Variants in CHD1L observed in about 807,000 individuals in gnomAD.
CHD1L encodes the protein chromodomain helicase DNA binding protein 1 like.
In CHD1L, 118 loss-of-function variants were observed where a neutral mutation model predicts 115.9. The ratio of observed to expected loss-of-function variants is 1.02; its 90% CI spans 0.88 to 1.19. The LOEUF (loss-of-function observed/expected upper bound fraction) is 1.19. Among genes scored for constraint, CHD1L ranks in the 50% most tolerant of loss-of-function variants. CHD1L has a pLI of 0.00. For missense variants in CHD1L, 1,179 were observed against 1,065.3 expected, an observed-to-expected ratio of 1.11 and a Z score of -1.49; for synonymous variants, 411 against 387.1, an observed-to-expected ratio of 1.06 and a Z score of -0.72.
intron 1 of CHD1L, among the ~76,000 whole-genome samples, chr1:147,244,517 G>A (rs1186764306): frequency 6.6e-6 from 1 of 151,954 alleles, no homozygotes; most frequent in Non-Finnish European, 1.5e-5. Context: ...GAAGTAGTAC[G>A]TATTTTCAGT....
the CHD1L span, among the ~76,000 whole-genome samples, chr1:147,231,368 G>A: frequency 1.3e-5 from 2 of 152,180 alleles, no homozygotes; most frequent in East Asian, 1.9e-4. Context: ...TGTGGTCTGA[G>A]AGACAGTTTG....
rs367899265 is a variant in CHD1L, at chr1:147,269,828, G to A, written c.1085+950G>A. ...TCAAAATTATCCCTTTGGAATGACT[G>A]TCTTAGGTATGGCCTGAACTAATCT... On this transcript the variant is annotated intron_variant, in intron 10 of 22. Transcript: ENST00000369258. Among the ~76,000 whole-genome samples, 14 of 152,286 alleles carry A rather than the reference G, an allele frequency of 9.2e-5. No individual in the cohort carries two copies. The East Asian group carries it at 2.1e-3, about 23-fold the overall frequency.
intron 1 of CHD1L, among the ~76,000 whole-genome samples, chr1:147,250,322 T>C (rs1424898721): frequency 6.6e-6 from 1 of 152,160 alleles, no homozygotes; most frequent in African/African-American, 2.4e-5. Context: ...AGCCAGGCAT[T>C]TTTTTTAAAT....
intron 1 of CHD1L, among the ~76,000 whole-genome samples, chr1:147,251,700 T>A (rs1393160506): frequency 6.6e-6 from 1 of 151,982 alleles, no homozygotes; most frequent in Non-Finnish European, 1.5e-5. Context: ...CAGCTAATTT[T>A]TGTATTATTT....
the CHD1L span, chr1:147,178,250 G>C: frequency 4.3e-6 from 7 of 1,613,694 alleles, no homozygotes; most frequent in Non-Finnish European, 5.9e-6. Flanking sequence ...GGCTCTGCGG[G>C]CCTCATGCTC....
intron 12 of CHD1L, among the ~76,000 whole-genome samples, chr1:147,274,474 T>C (rs1677533481): frequency 6.6e-6 from 1 of 152,196 alleles, no homozygotes; most frequent in South Asian, 2.1e-4. Context: ...TCTTAAAAGT[T>C]AGTCCTTAAT....
the CHD1L span, among the ~76,000 whole-genome samples, chr1:147,182,780 CAT>C: frequency 1.3e-5 from 2 of 152,148 alleles, no homozygotes; most frequent in Non-Finnish European, 2.9e-5. Context: ...TCAAGGATGA[CAT>C]ATATATACCC....
At chr1:147,179,461 T>C in the CHD1L span, 8 of 1,584,346 alleles carry the variant, frequency 5.0e-6, no homozygotes, top group Admixed American at 1.7e-5. Context: ...AGTCAGAGTT[T>C]TCCTACCATA....
rs2103033062 is a variant in CHD1L, at chr1:147,293,740, T to C, written c.2506+18T>C. 1 of 1,583,280 alleles carries C rather than the reference T, an allele frequency of 6.3e-7. No individual in the cohort carries two copies. The highest frequency in any genetic ancestry group is 1.1e-5 in the South Asian group (1 of 90,342). On this transcript the variant is annotated intron_variant, in intron 21 of 22. Transcript: ENST00000369258. ...GAAGAAAGGTAAGCTCTTCCACCTGTGCTCAAGAGTAGATGAATTTGTTTC... is the reference window on the plus strand; with the variant it reads ...GAAGAAAGGTAAGCTCTTCCACCTGCGCTCAAGAGTAGATGAATTTGTTTC...
At chr1:147,186,203 A>G in the CHD1L span, 2 of 486,364 alleles carry the variant, frequency 4.1e-6, no homozygotes, top group South Asian at 8.9e-5. Flanking sequence ...AAAATTCTCA[A>G]CCAAGTTGAT....
At position 147,256,580 on chromosome 1, in the gene CHD1L, T is replaced by G; in HGVS notation, c.494+18T>G. ...CTAAAATCGTGAGTAGGTTGTACTA[T>G]TTAAGAACTTGGGTTGAATGTATTA... is the stretch of plus-strand genomic sequence containing the variant. On this transcript the variant is annotated intron_variant, in intron 5 of 22. Transcript: ENST00000369258. 1 of 1,609,284 alleles carries G rather than the reference T, an allele frequency of 6.2e-7. No homozygotes were observed. Among genetic ancestry groups the G allele is most frequent in the Non-Finnish European group, 8.5e-7 (1 of 1,176,570 alleles).
intron 1 of CHD1L, among the ~76,000 whole-genome samples, chr1:147,248,104 C>G (rs1667191597): frequency 6.6e-6 from 1 of 152,170 alleles, no homozygotes; most frequent in South Asian, 2.1e-4. Context: ...ACTATTTTGT[C>G]TACCACTTCT....
intron 8 of CHD1L, 99 bp downstream of exon 8, chr1:147,266,186 T>G: frequency 8.8e-7 from 1 of 1,130,292 alleles, no homozygotes; most frequent in Non-Finnish European, 1.2e-6. Context: ...ATCCCAAGAA[T>G]ATGGGATGGA....
chr1:147,213,284 C>A, the CHD1L span: 1 of 1,587,180 alleles, frequency 6.3e-7, no homozygotes, highest in Admixed American at 1.7e-5. Flanking sequence ...GGTCAAGGGT[C>A]TTCCTTCCTG....
At position 147,295,434 on chromosome 1, in the gene CHD1L, T is replaced by C. The variant is rs782565445; in HGVS notation, c.2619T>C (p.Tyr873=). The stretch of plus-strand genomic sequence containing the variant: ...CTTCCTTGACCATCCTTATCAGATA[T>C]TATTTTCCTAGAAGCAAGTCTGCTG... The part of the protein sequence containing the change: ...LAARGIPTYI[Y]YFPRSKSAVL... The change falls in exon 23 of 23, where the codon TAT becomes TAC. Residue 873 remains tyrosine (Y), a synonymous_variant. Transcript: ENST00000369258. The C allele has an allele frequency of 1.5e-5, 24 of 1,604,630 alleles. No individual in the cohort carries two copies. The highest frequency in any genetic ancestry group is 2.0e-5 in the Non-Finnish European group (23 of 1,172,414).
At chr1:147,268,723 C>T in intron 9 of CHD1L, 59 bp from the exon 10 acceptor site, 2 of 1,370,022 alleles carry the variant, frequency 1.5e-6, no homozygotes, top group South Asian at 2.3e-5. Context: ...TGTAGCCTAG[C>T]TACTGGCTTC....
chr1:147,279,558 G>C (rs1441402711), intron 14 of CHD1L, among the ~76,000 whole-genome samples: 2 of 152,134 alleles, frequency 1.3e-5, no homozygotes, highest in Non-Finnish European at 2.9e-5. Flanking sequence ...AAAACAAATT[G>C]CCAAAGAAAA....
the CHD1L span, chr1:147,225,074 A>T: frequency 6.2e-7 from 1 of 1,612,692 alleles, no homozygotes; most frequent in Non-Finnish European, 8.5e-7. Flanking sequence ...GTCCTAAAGA[A>T]AGGATGACAA....
chr1:147,224,831 A>G, the CHD1L span: 12 of 1,522,432 alleles, frequency 7.9e-6, 2 homozygotes, highest in South Asian at 1.3e-4. Flanking sequence ...GTTAAGATAA[A>G]CTGTCGTATG....
Sources: allele counts gnomAD v4.1 joint callset (sites outside exome capture counted in the v4.1 genomes callset), GRCh38; gene constraint gnomAD v4.1.1; transcripts MANE v1.5; gene names NCBI Gene and HGNC (gene_info 2026-07-23, HGNC 2026-07-21).